The following GATAD2B variants were observed in gnomAD, a reference collection of about 807,000 sequenced individuals.
GATAD2B encodes the protein transcriptional repressor p66-beta.
GATAD2B carries 8 observed loss-of-function variants against 64.3 expected under a neutral mutation model. The observed-to-expected ratio is 0.12, with a 90% CI of 0.07 to 0.22. GATAD2B has a LOEUF of 0.22. Ranked by LOEUF, GATAD2B falls within the 10% of genes least tolerant of loss-of-function variation. The pLI, the probability that GATAD2B is intolerant of heterozygous loss-of-function variation, is 1.00. For missense variants in GATAD2B, 453 were observed against 752.0 expected (o/e 0.60, Z 4.65); for synonymous variants, 281 against 271.3 (o/e 1.04, Z -0.35).
intron 1 of GATAD2B, among the ~76,000 whole-genome samples, chr1:153,885,729 G>A (rs1677161944): frequency 6.6e-6 from 1 of 151,890 alleles, no homozygotes; most frequent in African/African-American, 2.4e-5. Flanking sequence ...CGGGCGTGGT[G>A]GTGGGCACCT....
At position 153,833,648 on chromosome 1, in the gene GATAD2B, C is replaced by T. The variant is rs530815224; in HGVS notation, c.-1-5300G>A. On this transcript the variant is annotated intron_variant, in intron 1 of 10. Coordinates refer to ENST00000368655, the MANE Select transcript of GATAD2B (RefSeq NM_020699.4). ...TGACCAACATGGTGAAACCCCGTCT[C>T]TACTAAAAATACAAAATTAGGCTTG... Among the ~76,000 whole-genome samples the T allele has an allele frequency of 2.6e-4, 40 of 152,010 alleles. 1 individual carries two copies. In the South Asian group the frequency reaches 4.8e-3, roughly 18 times the overall value.
intron 1 of GATAD2B, among the ~76,000 whole-genome samples, chr1:153,892,163 CAAAA>C (rs900308080): frequency 7.9e-5 from 4 of 50,320 alleles, no homozygotes; most frequent in African/African-American, 2.3e-4. Flanking sequence ...GACTCCGTCT[CAAAA>C]AAAAAAAAAA....
chr1:153,821,388 T>C (rs139533231), intron 2 of GATAD2B, among the ~76,000 whole-genome samples: 382 of 152,180 alleles, frequency 2.5e-3, no homozygotes, highest in Non-Finnish European at 3.4e-3. Context: ...GGTAAGGAAA[T>C]AGAATAGGAG....
intron 2 of GATAD2B, among the ~76,000 whole-genome samples, chr1:153,826,266 G>A (rs528285716): frequency 2.4e-4 from 37 of 152,064 alleles, no homozygotes; most frequent in Non-Finnish European, 4.3e-4. Context: ...TGATCCACCC[G>A]CCTCGGCCTC....
intron 1 of GATAD2B, among the ~76,000 whole-genome samples, chr1:153,910,326 G>A (rs538192928): frequency 6.6e-6 from 1 of 152,120 alleles, no homozygotes; most frequent in Admixed American, 6.6e-5. Context: ...ACTTTACGAT[G>A]GTGTGAAGGT....
chr1:153,836,768 A>C (rs1675284893), intron 1 of GATAD2B, among the ~76,000 whole-genome samples: 1 of 152,200 alleles, frequency 6.6e-6, no homozygotes, highest in Non-Finnish European at 1.5e-5. Context: ...CACTGATAGT[A>C]TATGACAAAA....
At chr1:153,877,786 G>A (rs760351363) in intron 1 of GATAD2B, among the ~76,000 whole-genome samples, 34 of 151,116 alleles carry the variant, frequency 2.2e-4, no homozygotes, top group Admixed American at 4.6e-4. Context: ...GCTGAGGTGG[G>A]AGGATCACTT....
chr1:153,835,847 T>C (rs1252755663), intron 1 of GATAD2B, among the ~76,000 whole-genome samples: 1 of 151,930 alleles, frequency 6.6e-6, no homozygotes, highest in Non-Finnish European at 1.5e-5. Flanking sequence ...CTCAGCCTCC[T>C]GAGTAGCTGG....
At chr1:153,898,787 A>G (rs1383951184) in intron 1 of GATAD2B, 1 of 152,208 alleles carries the variant, frequency 6.6e-6, no homozygotes, top group Non-Finnish European at 1.5e-5. Context: ...GGAGAAAGAC[A>G]AGTGACCTAT....
At chr1:153,828,650 T>C (rs1020487779) in intron 1 of GATAD2B, among the ~76,000 whole-genome samples, 1 of 151,710 alleles carries the variant, frequency 6.6e-6, no homozygotes, top group African/African-American at 2.4e-5. Context: ...TGGATACAGA[T>C]TGAAAATCTT....
intron 2 of GATAD2B, among the ~76,000 whole-genome samples, chr1:153,821,243 CAA>C (rs1018112048): frequency 6.6e-6 from 1 of 151,878 alleles, no homozygotes; most frequent in African/African-American, 2.4e-5. Flanking sequence ...CTCAGCCACC[CAA>C]AGTGTTGGAA....
chr1:153,872,550 T>C (rs1424826834), intron 1 of GATAD2B, among the ~76,000 whole-genome samples: 2 of 135,620 alleles, frequency 1.5e-5, no homozygotes, highest in African/African-American at 5.2e-5. Flanking sequence ...TATTACATAA[T>C]ATCAAAAAAA....
intron 1 of GATAD2B, among the ~76,000 whole-genome samples, chr1:153,850,839 TG>T (rs1675866618): frequency 6.6e-6 from 1 of 151,776 alleles, no homozygotes; most frequent in Admixed American, 6.6e-5. Flanking sequence ...GAGAATCGCT[TG>T]AACCTAGGAG....
intron 2 of GATAD2B, among the ~76,000 whole-genome samples, chr1:153,825,693 G>C (rs1674851473): frequency 6.6e-6 from 1 of 152,058 alleles, no homozygotes; most frequent in African/African-American, 2.4e-5. Flanking sequence ...CAAAGTGCTG[G>C]GATTACAGGT....
intron 1 of GATAD2B, among the ~76,000 whole-genome samples, chr1:153,863,917 G>A (rs964192314): frequency 1.3e-5 from 2 of 152,108 alleles, no homozygotes; most frequent in Non-Finnish European, 2.9e-5. Context: ...GAGCCACCAC[G>A]CCCGGCCTAA....
intron 3 of GATAD2B, 25 bp downstream of exon 3, chr1:153,819,581 G>A (rs766170173): frequency 3.9e-6 from 6 of 1,531,976 alleles, no homozygotes; most frequent in Non-Finnish European, 3.5e-6. Context: ...ATAACAAGAA[G>A]AAAGAAATTT....
chr1:153,861,005 G>A (rs1676262025), intron 1 of GATAD2B, among the ~76,000 whole-genome samples: 1 of 152,138 alleles, frequency 6.6e-6, no homozygotes, highest in African/African-American at 2.4e-5. Flanking sequence ...GAATGAACTG[G>A]CTTTAAAGGT....
intron 1 of GATAD2B, among the ~76,000 whole-genome samples, chr1:153,851,001 GTACAA>G (rs1326555198): frequency 1.3e-5 from 2 of 151,870 alleles, no homozygotes; most frequent in African/African-American, 2.4e-5. Flanking sequence ...ATTTTCAAGT[GTACAA>G]TACATTAATG....
intron 1 of GATAD2B, 37 bp from the exon 2 acceptor site, chr1:153,828,385 G>C: frequency 6.5e-7 from 1 of 1,527,100 alleles, no homozygotes; most frequent in Non-Finnish European, 8.9e-7. Flanking sequence ...TCAGAATAAA[G>C]TCCCTTAAAT....
Sources: gnomAD v4.1 joint callset for allele counts (sites outside exome capture counted in the v4.1 genomes callset) on GRCh38, gnomAD v4.1.1 for gene constraint, MANE v1.5 for transcripts, NCBI Gene and HGNC (gene_info 2026-07-23, HGNC 2026-07-21) for gene names.